ENTPD5: variants seen among roughly 807,000 people sequenced by gnomAD.
ENTPD5 encodes nucleoside diphosphate phosphatase ENTPD5.
A neutral mutation model predicts 60.2 loss-of-function variants in ENTPD5; 49 were observed. The ratio of observed to expected loss-of-function variants is 0.81; its 90% CI spans 0.65 to 1.03. The LOEUF (loss-of-function observed/expected upper bound fraction) is 1.03, where lower values mean the gene tolerates loss of function less well. ENTPD5 is among the 50% of genes least tolerant of loss of function. The pLI is 0.00. For missense variants in ENTPD5, 480 were observed against 507.6 expected (o/e 0.95, Z 0.52); for synonymous variants, 187 against 185.4 (o/e 1.01, Z -0.07).
At chr14:73,961,644 G>A, downstream of ENTPD5, 1 of 1,602,976 alleles carries the variant, frequency 6.2e-7, no homozygotes, top group South Asian at 1.1e-5. Context: ...ACAGTAGCAA[G>A]AGGGAGTGGA....
intron 3 of ENTPD5, among the ~76,000 whole-genome samples, 199 bp from the exon 4 acceptor site, chr14:73,988,371 T>C (rs2057991816): frequency 6.6e-6 from 1 of 152,204 alleles, no homozygotes; most frequent in South Asian, 2.1e-4. Flanking sequence ...GAATTGAAGA[T>C]ATATTTTCCC....
rs1446533602 is a variant in ENTPD5, at chr14:73,965,478, CA to C, written c.*1449del. 6.6e-6 allele frequency: 1 copy of C among 152,178 alleles called. No homozygotes were observed. The highest frequency in any genetic ancestry group is 2.4e-5 in the African/African-American group (1 of 41,412). 9.4% of individuals were successfully genotyped at this position (152,178 alleles called of 1,614,324 possible). A position where few individuals can be genotyped will look rare whatever the true frequency, so the allele number is the denominator to read the frequency against. ...GCGCGGTGTCTCATGCCTGTAATCCCAGCACTTTGGGAAGCGGGTGGATCAA... is the reference window on the plus strand; with the variant it reads ...GCGCGGTGTCTCATGCCTGTAATCCCGCACTTTGGGAAGCGGGTGGATCAA... On this transcript the variant is annotated 3_prime_UTR_variant, in exon 16 of 16. Coordinates refer to ENST00000334696, the MANE Select transcript of ENTPD5 (RefSeq NM_001249.5).
chr14:73,973,471 G>A (rs2057314520), intron 12 of ENTPD5, among the ~76,000 whole-genome samples: 1 of 152,196 alleles, frequency 6.6e-6, no homozygotes, highest in South Asian at 2.1e-4. Context: ...TCACACTGCT[G>A]CATTAGACCT....
rs2059186159 is a variant in ENTPD5 at position 74,019,277 on chromosome 14, C to CCCGCCGCCCTCGGCGCGA, written c.-266_-265insTCGCGCCGAGGGCGGCGG. On this transcript the variant is annotated 5_prime_UTR_variant, in exon 1 of 16. Transcript: ENST00000334696. The stretch of plus-strand genomic sequence containing the variant: ...CGCGCGCGCCACCCTTGCGCGGCAG[C>CCCGCCGCCCTCGGCGCGA]CCGCCGCCCTCGGCGCGACCTCCGC... 4.6e-6 allele frequency: 2 copies of CCCGCCGCCCTCGGCGCGA among 438,588 alleles called. No homozygotes were observed. The highest frequency in any genetic ancestry group is 6.1e-6 in the Non-Finnish European group (2 of 325,322). 27.2% of individuals were successfully genotyped at this position (438,588 alleles called of 1,614,324 possible). A position where few individuals can be genotyped will look rare whatever the true frequency, so the allele number is the denominator to read the frequency against.
chr14:73,996,144 C>T (rs2058335933), intron 3 of ENTPD5: 4 of 985,232 alleles, frequency 4.1e-6, no homozygotes, highest in East Asian at 1.1e-4. Flanking sequence ...TCCTTGCTTT[C>T]GCTGCAGGTT....
At chr14:74,017,729 T>C (rs1196574073) in intron 1 of ENTPD5, among the ~76,000 whole-genome samples, 13 of 147,168 alleles carry the variant, frequency 8.8e-5, no homozygotes, top group African/African-American at 3.3e-4. Context: ...CTACCAAAAA[T>C]ACAAAAATTA....
intron 5 of ENTPD5, among the ~76,000 whole-genome samples, chr14:73,986,006 A>G (rs1019132673): frequency 1.3e-5 from 2 of 148,656 alleles, no homozygotes; most frequent in Non-Finnish European, 1.5e-5. Flanking sequence ...CGCGAGGCAG[A>G]GGTTGTAGTA....
intron 3 of ENTPD5, among the ~76,000 whole-genome samples, chr14:74,000,695 C>T (rs2058481032): frequency 1.3e-5 from 2 of 151,616 alleles, no homozygotes; most frequent in East Asian, 2.0e-4. Context: ...GGGAGAATTG[C>T]TTGAACCTGG....
rs1409866473 is a variant in ENTPD5, at chr14:73,963,313, A to AATT, written c.*3612_*3614dup. On this transcript the variant is annotated 3_prime_UTR_variant, in exon 16 of 16. Transcript: ENST00000334696. ...TCCAGTTAATCATTTCTAAAGAGAAAATTTACATTTTGTTTTTGTTTTAAT... is the reference window on the plus strand; with the variant it reads ...TCCAGTTAATCATTTCTAAAGAGAAAATTATTTACATTTTGTTTTTGTTTTAAT... 4.4e-6 allele frequency: 2 copies of AATT among 453,866 alleles called. No homozygotes were observed. The highest frequency in any genetic ancestry group is 4.0e-5 in the African/African-American group (2 of 49,896). The allele number at this position is 453,866 out of a possible 1,614,324, so 28.1% of individuals were successfully genotyped here.
intron 6 of ENTPD5, among the ~76,000 whole-genome samples, chr14:73,980,690 C>T (rs8012388): frequency 0.4 from 61,274 of 152,150 alleles, 13,412 homozygotes; most frequent in South Asian, 0.49. Context: ...GCCACTGCAC[C>T]GAGCCTGATT....
chr14:74,003,372 C>T (rs2058569099), intron 3 of ENTPD5: 3 of 631,040 alleles, frequency 4.8e-6, no homozygotes, highest in Non-Finnish European at 8.5e-6. Flanking sequence ...GCCTTAGCGC[C>T]ATTTTCTTGG....
At chr14:73,993,893 A>C (rs2058234894) in intron 3 of ENTPD5, among the ~76,000 whole-genome samples, 1 of 149,544 alleles carries the variant, frequency 6.7e-6, no homozygotes, top group African/African-American at 2.5e-5. Flanking sequence ...GAAAAAAAAC[A>C]TCCTAGGTAT....
At position 74,008,687 on chromosome 14, in the gene ENTPD5, G is replaced by A. The variant is rs530892407; in HGVS notation, c.-71+2404C>T. 9.2e-5 allele frequency among the ~76,000 whole-genome samples: 14 copies of A among 151,610 alleles called. No individual in the cohort carries two copies. In the South Asian group the frequency reaches 1.7e-3, roughly 18 times the overall value. ...TGGGATTACAGGCATGAGCCACTGC[G>A]CCTGGCCTAGACTTTTATTTTTTCT... is the stretch of plus-strand genomic sequence containing the variant. On this transcript the variant is annotated intron_variant, in intron 3 of 15. Transcript: ENST00000334696.
chr14:73,986,579 A>G (rs887327881), intron 5 of ENTPD5: 5 of 514,960 alleles, frequency 9.7e-6, no homozygotes, highest in Non-Finnish European at 1.7e-5. Context: ...GTAATCTCTT[A>G]AAAGCTAGTG....
intron 3 of ENTPD5, among the ~76,000 whole-genome samples, chr14:74,000,947 G>A (rs2058488526): frequency 6.6e-6 from 1 of 152,154 alleles, no homozygotes; most frequent in Non-Finnish European, 1.5e-5. Context: ...AGAGCCATAT[G>A]GAGTGGCACG....
downstream of ENTPD5, chr14:73,955,725 C>T (rs2056401433): frequency 4.4e-6 from 7 of 1,599,558 alleles, no homozygotes; most frequent in Non-Finnish European, 6.0e-6. Flanking sequence ...TGCTCTGTCA[C>T]TTGGGAAAGC....
chr14:74,009,733 C>T (rs1424139917), intron 3 of ENTPD5, among the ~76,000 whole-genome samples: 2 of 152,248 alleles, frequency 1.3e-5, no homozygotes, highest in African/African-American at 2.4e-5. Flanking sequence ...CCTCAACCTC[C>T]CAGAGGGCTG....
At chr14:73,983,273 C>T in intron 5 of ENTPD5, 112 bp from the exon 6 acceptor site, 1 of 1,117,386 alleles carries the variant, frequency 8.9e-7, no homozygotes, top group Non-Finnish European at 1.2e-6. Flanking sequence ...GCATAGGGCT[C>T]CAACCTCTCT....
downstream of ENTPD5, chr14:73,958,442 C>A: frequency 6.7e-7 from 1 of 1,488,608 alleles, no homozygotes; most frequent in Non-Finnish European, 9.0e-7. Flanking sequence ...ATGGTCTCAT[C>A]GTAAATCCTG....
Sources: gnomAD v4.1 joint callset for allele counts (sites outside exome capture counted in the v4.1 genomes callset) on GRCh38, gnomAD v4.1.1 for gene constraint, MANE v1.5 for transcripts, NCBI Gene and HGNC (gene_info 2026-07-23, HGNC 2026-07-21) for gene names.